WRAP53: variants seen among roughly 807,000 people sequenced by gnomAD.
WRAP53 encodes telomerase Cajal body protein 1.
WRAP53 carries 28 observed loss-of-function variants against 56.6 expected under a neutral mutation model. The ratio of observed to expected loss-of-function variants is 0.50; its 90% CI spans 0.37 to 0.68. The LOEUF (loss-of-function observed/expected upper bound fraction) is 0.68. WRAP53 is among the 30% of genes least tolerant of loss of function. WRAP53 has a pLI of 0.00. For synonymous variants in WRAP53, 283 were observed against 283.4 expected, an observed-to-expected ratio of 1.00 and a Z score of 0.01; for missense variants, 671 against 715.5, an observed-to-expected ratio of 0.94 and a Z score of 0.71.
chr17:7,689,079 C>A lies in WRAP53; in HGVS notation c.431C>A (p.Thr144Asn). ...CCCGCTGCAGAGGACGAGGGAGACA[C>A]GTAAGTGGTGATGGCAGTGGAGTGT... ...GEPAAEDEGD[T>N]AWNYSFSQLP... is the part of the protein sequence containing the mutation. The change falls in exon 2 of 11, where the codon ACC becomes AAC. Residue 144 changes from threonine to asparagine, a missense_variant and splice_region_variant. Physicochemically the swap from Thr to Asn is moderately conservative, Grantham distance 65. Coordinates refer to ENST00000396463, the MANE Select transcript of WRAP53 (RefSeq NM_001143992.2). 1 of 1,614,080 alleles carries A rather than the reference C, an allele frequency of 6.2e-7. No homozygotes were observed. Among genetic ancestry groups the A allele is most frequent in the South Asian group, 1.1e-5 (1 of 91,078 alleles).
At chr17:7,692,781 C>T (rs1380643981) in intron 4 of WRAP53, among the ~76,000 whole-genome samples, 1 of 106,854 alleles carries the variant, frequency 9.4e-6, no homozygotes, top group Non-Finnish European at 1.7e-5. Context: ...GAGACAGAGT[C>T]TCGCTCTGTC....
intron 4 of WRAP53, among the ~76,000 whole-genome samples, chr17:7,691,425 T>A (rs1428829172): frequency 2.7e-5 from 4 of 146,518 alleles, no homozygotes; most frequent in Non-Finnish European, 6.0e-5. Context: ...AGTCTTGCTC[T>A]GTCGCCCAGG....
upstream of WRAP53, chr17:7,687,850 G>C (rs1209486336): frequency 2.4e-5 from 9 of 376,448 alleles, no homozygotes; most frequent in Non-Finnish European, 4.2e-5. Context: ...CTTCTCATCA[G>C]TTAAAATGTC....
In WRAP53 at chr17:7,699,476, T is replaced by TTATATATATATATA. The variant is rs1299417199; in HGVS notation, c.643-1253_643-1240dup. Reference sequence around the variant, plus strand: ...TATATATTTATATATATATATATATTTATATATATATATATATATATATAT... The same window carrying TTATATATATATATA: ...TATATATTTATATATATATATATATTTATATATATATATATATATATATATATATATATATATAT... On this transcript the variant is annotated intron_variant, in intron 4 of 10. Transcript: ENST00000396463. Among the ~76,000 whole-genome samples, 36 of 11,380 alleles carry TTATATATATATATA rather than the reference T, an allele frequency of 3.2e-3. 1 individual carries two copies. The highest frequency in any genetic ancestry group is 4.2e-3 in the Non-Finnish European group (31 of 7,406). 7.5% of individuals were successfully genotyped at this position (11,380 alleles called of 152,430 possible).
chr17:7,692,947 G>T (rs2074133223), intron 4 of WRAP53, among the ~76,000 whole-genome samples: 1 of 151,330 alleles, frequency 6.6e-6, no homozygotes. Context: ...TAGAGACGGG[G>T]TTTCACCATG....
chr17:7,689,639 C>T lies in WRAP53; in HGVS notation c.580C>T (p.Arg194Ter), dbSNP rs766034158. 2.5e-6 allele frequency: 4 copies of T among 1,613,918 alleles called. No individual in the cohort carries two copies. The highest frequency in any genetic ancestry group is 1.1e-5 in the South Asian group (1 of 91,088). The change falls in exon 4 of 11, where the codon CGA becomes TGA. Residue 194 changes from arginine to a stop codon, truncating the protein, a stop_gained. Transcript: ENST00000396463. LOFTEE classifies it high-confidence loss of function. ...ILTNSADNIL[R>*]IYNLPPELYH... ...GACCAATAGTGCTGATAACATCTTG[C>T]GAATTTATAACCTGCCCCCAGAGCT... is the stretch of plus-strand genomic sequence containing the variant.
rs1567577751 is a variant in WRAP53 at position 7,699,527 on chromosome 17, T to TGGA, written c.643-1214_643-1213insGGA. 2.1e-3 allele frequency among the ~76,000 whole-genome samples: 130 copies of TGGA among 63,192 alleles called. 19 individuals carry two copies. The Admixed American group carries it at 0.025, about 12-fold the overall frequency. 41.5% of individuals were successfully genotyped at this position (63,192 alleles called of 152,430 possible). On this transcript the variant is annotated intron_variant, in intron 4 of 10. Transcript: ENST00000396463. The stretch of plus-strand genomic sequence containing the variant: ...TTATATATATATATATATATTTATA[T>TGGA]ATATATATATATTCCTAAGGAAATG...
At chr17:7,700,497 C>A (rs1053467727) in intron 4 of WRAP53, among the ~76,000 whole-genome samples, 9 of 145,542 alleles carry the variant, frequency 6.2e-5, no homozygotes, top group African/African-American at 1.6e-4. Flanking sequence ...AAAAAAAAAA[C>A]AAAAACAAAA....
intron 4 of WRAP53, among the ~76,000 whole-genome samples, chr17:7,692,692 C>T (rs1158073866): frequency 1.4e-5 from 2 of 148,076 alleles, no homozygotes; most frequent in Non-Finnish European, 3.0e-5. Flanking sequence ...CTGCCTCCAT[C>T]GCTTCCTGAA....
In WRAP53 at chr17:7,689,895, A is replaced by C. The variant is rs186314822; in HGVS notation, c.642+194A>C. Among the ~76,000 whole-genome samples, 28 of 152,250 alleles carry C rather than the reference A, an allele frequency of 1.8e-4. No individual in the cohort carries two copies. In the South Asian group the frequency reaches 4.4e-3, roughly 24 times the overall value. ...AGGTTTCCCCTTTCTTTAATTAGGAATCTGTGTTTTTTGCTAAAAAGTAGT... is the reference window on the plus strand; with the variant it reads ...AGGTTTCCCCTTTCTTTAATTAGGACTCTGTGTTTTTTGCTAAAAAGTAGT... On this transcript the variant is annotated intron_variant, in intron 4 of 10. Transcript: ENST00000396463.
At chr17:7,696,339 C>CG (rs2074184879) in intron 4 of WRAP53, among the ~76,000 whole-genome samples, 1 of 132,144 alleles carries the variant, frequency 7.6e-6, no homozygotes, top group Non-Finnish European at 1.5e-5. Flanking sequence ...TGCTCTGTCG[C>CG]CCAGGCTGGA....
rs368220447 is a variant in WRAP53 at position 7,688,792 on chromosome 17, G to A, written c.144G>A (p.Gly48=). The change falls in exon 2 of 11, where the codon GGG becomes GGA. Residue 48 remains glycine, a synonymous_variant. Transcript: ENST00000396463. ...TGATGCCACCGCCTCCCGAAAGGGGGGATCCGCCCCGGTTGTCCCCAGATC... is the reference window on the plus strand; with the variant it reads ...TGATGCCACCGCCTCCCGAAAGGGGAGATCCGCCCCGGTTGTCCCCAGATC... ...SELMPPPPER[G]DPPRLSPDPV... 33 of 1,614,212 alleles carry A rather than the reference G, an allele frequency of 2.0e-5. No individual in the cohort carries two copies. The African/African-American group carries it at 4.1e-4, about 20-fold the overall frequency.
rs561145111 is a variant in WRAP53, at chr17:7,703,430, C to A, written c.1591C>A (p.His531Asn). The A allele has an allele frequency of 1.2e-6, 2 of 1,611,616 alleles. No individual in the cohort carries two copies. Among genetic ancestry groups the A allele is most frequent in the Non-Finnish European group, 1.7e-6 (2 of 1,178,894 alleles). The change falls in exon 11 of 11, where the codon CAC (histidine) becomes AAC (asparagine). Residue 531 changes from histidine (H) to asparagine (N), a missense_variant. Physicochemically the swap from His to Asn is moderately conservative, Grantham distance 68 (BLOSUM62 1). This residue lies in a region of WRAP53 where 107 missense variants were observed against 81.3 expected (regional missense o/e 1.32). Transcript: ENST00000396463. The part of the protein sequence containing the change: ...GAPDSSIPDD[H>N]QGEKGQGGTE... Reference sequence around the variant, plus strand: ...GCCAGACTCCAGCATCCCTGATGATCACCAGGGCGAGAAAGGGCAGGGAGG... The same window carrying A: ...GCCAGACTCCAGCATCCCTGATGATAACCAGGGCGAGAAAGGGCAGGGAGG...
At chr17:7,694,265 A>T in intron 4 of WRAP53, among the ~76,000 whole-genome samples, 3 of 120,012 alleles carry the variant, frequency 2.5e-5, no homozygotes, top group Admixed American at 9.5e-5. Context: ...TTTTTTTGAG[A>T]CAGAGTCTCG....
Position 7,703,416 on chromosome 17 carries a change from G to T in WRAP53, c.1577G>T (p.Ser526Ile). Reference sequence around the variant, plus strand: ...TGGTGTGGGGGGGCGCCAGACTCCAGCATCCCTGATGATCACCAGGGCGAG... The same window carrying T: ...TGGTGTGGGGGGGCGCCAGACTCCATCATCCCTGATGATCACCAGGGCGAG... ...LWWCGGAPDS[S>I]IPDDHQGEKG... Residue 526 changes from serine (S) to isoleucine (I), a missense_variant, in exon 11 of 11, where the codon AGC becomes ATC. Coordinates refer to ENST00000396463, the MANE Select transcript of WRAP53 (RefSeq NM_001143992.2). 1 of 1,612,406 alleles carries T rather than the reference G, an allele frequency of 6.2e-7. No homozygotes were observed. Among genetic ancestry groups the T allele is most frequent in the Non-Finnish European group, 8.5e-7 (1 of 1,179,134 alleles).
Position 7,703,361 on chromosome 17 carries a change from G to T in WRAP53, c.1522G>T (p.Val508Phe). The stretch of plus-strand genomic sequence containing the variant: ...CCTTCCCTTGCTCTCCACGCGCCAC[G>T]TCCACCTTGAATGTCGGCTTCAGCT... ...LGLPLLSTRH[V>F]HLECRLQLWW... The change falls in exon 11 of 11, where the codon GTC becomes TTC. Residue 508 changes from valine to phenylalanine, a missense_variant. Transcript: ENST00000396463. 6.2e-7 allele frequency: 1 copy of T among 1,613,992 alleles called. No individual in the cohort carries two copies. The highest frequency in any genetic ancestry group is 8.5e-7 in the Non-Finnish European group (1 of 1,179,994).
Position 7,703,470 on chromosome 17 carries a change from T to A in WRAP53, c.1631T>A (p.Val544Glu). ...GGGCAGGGAGGAACGGAGGGAGGTG[T>A]GGGTGAGCTGATATAAAAAGGTTTT... ...EKGQGGTEGG[V>E]GELI is the part of the protein sequence containing the mutation. Residue 544 changes from valine to glutamate, a missense_variant, in exon 11 of 11, where the codon GTG (valine) becomes GAG (glutamate). By Grantham distance (121) the Val-to-Glu change is moderately radical. This residue lies in a region of WRAP53 where 107 missense variants were observed against 81.3 expected (regional missense o/e 1.32). Coordinates refer to ENST00000396463, the MANE Select transcript of WRAP53 (RefSeq NM_001143992.2). 1.2e-6 allele frequency: 2 copies of A among 1,607,708 alleles called. No homozygotes were observed. The highest frequency in any genetic ancestry group is 1.7e-6 in the Non-Finnish European group (2 of 1,178,354).
rs942326138 is a variant in WRAP53, at chr17:7,700,684, G to C, written c.643-57G>C. The C allele has an allele frequency of 2.4e-6, 3 of 1,224,508 alleles. No individual in the cohort carries two copies. In the African/African-American group the frequency reaches 4.5e-5, roughly 18 times the overall value. 75.9% of individuals were successfully genotyped at this position (1,224,508 alleles called of 1,614,324 possible). ...TCTGCCACAACACTGCTAGAGGCAC[G>C]CGCCTCAGACTCCTTTTCCCTCCGA... is the stretch of plus-strand genomic sequence containing the variant. On this transcript the variant is annotated intron_variant, in intron 4 of 10. Coordinates refer to ENST00000396463, the MANE Select transcript of WRAP53 (RefSeq NM_001143992.2).
chr17:7,699,523 TA>T (rs1597418024), intron 4 of WRAP53, among the ~76,000 whole-genome samples: 2 of 32,834 alleles, frequency 6.1e-5, no homozygotes, highest in South Asian at 1.0e-3. Context: ...TATATATATT[TA>T]TATATATATA....
Sources: allele counts gnomAD v4.1 joint callset (sites outside exome capture counted in the v4.1 genomes callset), GRCh38; gene constraint gnomAD v4.1.1; regional missense constraint gnomAD v4.1.1; transcripts MANE v1.5; gene names NCBI Gene and HGNC (gene_info 2026-07-23, HGNC 2026-07-21).